The following OTOA variants were observed in gnomAD, a reference collection of about 807,000 sequenced individuals.
OTOA encodes the protein cancer/testis antigen 108.
Under a neutral mutation model 110.8 loss-of-function variants are expected in OTOA, and 70 were observed. The observed-to-expected ratio is 0.63, with a 90% CI of 0.52 to 0.77. The LOEUF (loss-of-function observed/expected upper bound fraction) is 0.77. Ranked by LOEUF, OTOA falls within the 30% of genes least tolerant of loss-of-function variation. The pLI, the probability that OTOA is intolerant of heterozygous loss-of-function variation, is 0.00. For synonymous variants in OTOA, 373 were observed against 431.5 expected (o/e 0.86, Z 1.68); for missense variants, 917 against 1,075.8 (o/e 0.85, Z 2.06).
intron 9 of OTOA, among the ~76,000 whole-genome samples, chr16:21,692,209 C>G (rs1897844421): frequency 1.3e-5 from 2 of 152,012 alleles, no homozygotes; most frequent in East Asian, 3.9e-4. Flanking sequence ...CACCTGTAAT[C>G]CCAGCTACTC....
chr16:21,752,205 G>A (rs1899847725), intron 25 of OTOA, 128 bp downstream of exon 25: 1 of 370,884 alleles, frequency 2.7e-6, no homozygotes, highest in African/African-American at 2.3e-5. Flanking sequence ...ACCTTTCTGG[G>A]CTAAAATCCC....
Position 21,665,013 on chromosome 16 carries a change from T to C in OTOA, c.-5+781T>C, listed in dbSNP as rs80223196. Among the ~76,000 whole-genome samples the C allele has an allele frequency of 8.0e-3, 1,219 of 151,544 alleles. 17 individuals are homozygous for C. The highest frequency in any genetic ancestry group is 0.027 in the African/African-American group (1,112 of 41,098). ...ATAAATAAATAAATAAATAAATAAA[T>C]AAACAAATAAAGTTGATAGTTTTTT... On this transcript the variant is annotated intron_variant, in intron 1 of 28. Coordinates refer to ENST00000646100, the MANE Select transcript of OTOA (RefSeq NM_144672.4).
intron 6 of OTOA, among the ~76,000 whole-genome samples, chr16:21,682,517 A>G (rs560652283): frequency 4.6e-5 from 7 of 152,328 alleles, no homozygotes; most frequent in South Asian, 2.1e-4. Context: ...ACTGTAATGA[A>G]AACAATAGCA....
In OTOA at chr16:21,687,478, GAACCGCAGCCTGTTT is replaced by G; in HGVS notation, c.466_480del (p.Asn156_Phe160del). On this transcript the variant is annotated inframe_deletion, in exon 8 of 29. Coordinates refer to ENST00000646100, the MANE Select transcript of OTOA (RefSeq NM_144672.4). ...AACGAGCCTTGCAGAGCCCTGGCGT[GAACCGCAGCCTGTTT>G]CTCATCACACTGGAGAGGTGTTTCC... The G allele has an allele frequency of 1.2e-6, 2 of 1,614,040 alleles. No homozygotes were observed. The highest frequency in any genetic ancestry group is 1.7e-6 in the Non-Finnish European group (2 of 1,180,016).
At chr16:21,702,759 T>TC (rs527879122) in intron 11 of OTOA, among the ~76,000 whole-genome samples, 146 of 152,286 alleles carry the variant, frequency 9.6e-4, no homozygotes, top group African/African-American at 3.4e-3. Context: ...TACTGCAACC[T>TC]CTGCCTCCTG....
chr16:21,728,115 T>C lies in OTOA; in HGVS notation c.2017-126T>C. ...CCTGGCCTCAAATGATCTGTCTGCC[T>C]CGGCCTCCCAGAGTGCTGGGATTAT... On this transcript the variant is annotated intron_variant, in intron 19 of 28. Coordinates refer to ENST00000646100, the MANE Select transcript of OTOA (RefSeq NM_144672.4). The C allele has an allele frequency of 4.2e-6, 5 of 1,189,648 alleles. No homozygotes were observed. In the South Asian group the frequency reaches 6.3e-5, roughly 15 times the overall value. The allele number at this position is 1,189,648 out of a possible 1,614,324, so 73.7% of individuals were successfully genotyped here. A position where few individuals can be genotyped will look rare whatever the true frequency, so the allele number is the denominator to read the frequency against.
intron 28 of OTOA, among the ~76,000 whole-genome samples, chr16:21,758,328 G>A (rs988234579): frequency 2.3e-4 from 35 of 150,260 alleles, no homozygotes; most frequent in East Asian, 9.8e-4. Flanking sequence ...GCAGCCTGGC[G>A]GGGAGGGAAG....
At position 21,726,598 on chromosome 16, in the gene OTOA, C is replaced by G; in HGVS notation, c.1956C>G (p.Asp652Glu). Reference protein sequence around the residue: ...FLISLGKSWLDSLVLDSHKKT... With the variant: ...FLISLGKSWLESLVLDSHKKT... The stretch of plus-strand genomic sequence containing the variant: ...TCAGCCTGGGGAAGAGCTGGTTGGA[C>G]TCCTTGGTTTTAGATTCCCACAAAA... Residue 652 changes from aspartate (D) to glutamate (E), a missense_variant, in exon 19 of 29, where the codon GAC becomes GAG. By Grantham distance (45) the Asp-to-Glu change is conservative. This residue lies in a region of OTOA where 840 missense variants were observed against 910.2 expected (regional missense o/e 0.92). Coordinates refer to ENST00000646100, the MANE Select transcript of OTOA (RefSeq NM_144672.4). 1 of 1,614,030 alleles carries G rather than the reference C, an allele frequency of 6.2e-7. No individual in the cohort carries two copies. Among genetic ancestry groups the G allele is most frequent in the Non-Finnish European group, 8.5e-7 (1 of 1,179,992 alleles).
chr16:21,713,053 C>T (rs926236806), intron 13 of OTOA, among the ~76,000 whole-genome samples: 4 of 151,828 alleles, frequency 2.6e-5, no homozygotes, highest in African/African-American at 7.3e-5. Flanking sequence ...AGCCTTGACC[C>T]CCCAGGCTCA....
chr16:21,666,217 T>G (rs1233781989), intron 1 of OTOA, among the ~76,000 whole-genome samples: 1 of 151,806 alleles, frequency 6.6e-6, no homozygotes, highest in Non-Finnish European at 1.5e-5. Flanking sequence ...CATTTACCTA[T>G]TTTGGATTAA....
chr16:21,716,515 G>A (rs915475051), intron 14 of OTOA, among the ~76,000 whole-genome samples: 2 of 152,102 alleles, frequency 1.3e-5, no homozygotes, highest in East Asian at 1.9e-4. Flanking sequence ...AGACTGCAGC[G>A]AGCCAATATC....
chr16:21,688,139 C>T lies in OTOA; in HGVS notation c.635+491C>T, dbSNP rs757831374. 7.9e-5 allele frequency among the ~76,000 whole-genome samples: 12 copies of T among 152,134 alleles called. No homozygotes were observed. The South Asian group carries it at 2.5e-3, about 32-fold the overall frequency. On this transcript the variant is annotated intron_variant, in intron 8 of 28. Transcript: ENST00000646100. ...GTGTGGTAGCTCACACCTGTGATCC[C>T]AGCACTTTGGGAAGCAGAGGTGGGT...
At chr16:21,667,837 A>T (rs1405228754) in intron 1 of OTOA, among the ~76,000 whole-genome samples, 2 of 152,126 alleles carry the variant, frequency 1.3e-5, no homozygotes, top group African/African-American at 4.8e-5. Flanking sequence ...TTCACACAGG[A>T]AATTTTCATA....
At chr16:21,674,896 CTTTTT>C (rs60269668) in intron 1 of OTOA, among the ~76,000 whole-genome samples, 1 of 29,778 alleles carries the variant, frequency 3.4e-5, no homozygotes, top group East Asian at 1.4e-3. Context: ...TTTTAAAAAT[CTTTTT>C]TTTTTTTTTT....
rs559647030 is a variant in OTOA, at chr16:21,684,647, G to A, written c.268-583G>A. The A allele has an allele frequency of 5.0e-6, 5 of 997,238 alleles. No homozygotes were observed. In the East Asian group the frequency reaches 1.1e-4, roughly 22 times the overall value. 61.8% of individuals were successfully genotyped at this position (997,238 alleles called of 1,614,324 possible). On this transcript the variant is annotated intron_variant, in intron 6 of 28. Coordinates refer to ENST00000646100, the MANE Select transcript of OTOA (RefSeq NM_144672.4). The stretch of plus-strand genomic sequence containing the variant: ...GCTTGCCAATTATTGCCTAAAAGGG[G>A]ATGTGCGCCCGGTGTTGCCAAACCT...
At chr16:21,710,828 T>C (rs1232109860) in intron 13 of OTOA, among the ~76,000 whole-genome samples, 1 of 151,876 alleles carries the variant, frequency 6.6e-6, no homozygotes, top group Non-Finnish European at 1.5e-5. Context: ...CATGGTGAAA[T>C]CCCGTCTCTA....
rs777719065 is a variant in OTOA at position 21,700,967 on chromosome 16, C to A, written c.920C>A (p.Ala307Glu). 1.9e-6 allele frequency: 3 copies of A among 1,614,094 alleles called. No homozygotes were observed. Among genetic ancestry groups the A allele is most frequent in the Admixed American group, 3.3e-5 (2 of 59,998 alleles). ...VYDITPELAQ[A>E]FLERISSSNF... ...GACATCACACCTGAGCTGGCCCAGGCGTTTCTGGAGAGGATCAGCTCCTCC... is the reference window on the plus strand; with the variant it reads ...GACATCACACCTGAGCTGGCCCAGGAGTTTCTGGAGAGGATCAGCTCCTCC... Residue 307 changes from alanine to glutamate, a missense_variant, in exon 11 of 29, where the codon GCG becomes GAG. Ala to Glu is a moderately radical substitution (Grantham distance 107). Coordinates refer to ENST00000646100, the MANE Select transcript of OTOA (RefSeq NM_144672.4).
At chr16:21,682,375 T>C (rs1043127649) in intron 6 of OTOA, among the ~76,000 whole-genome samples, 7 of 152,288 alleles carry the variant, frequency 4.6e-5, no homozygotes, top group African/African-American at 1.4e-4. Context: ...TCACACACCA[T>C]AGTCACATCT....
In OTOA at chr16:21,708,807, G is replaced by GT. The variant is rs1194256289; in HGVS notation, c.1105-1075dup. Among the ~76,000 whole-genome samples the GT allele has an allele frequency of 3.3e-5, 5 of 152,212 alleles. No homozygotes were observed. In the East Asian group the frequency reaches 7.7e-4, roughly 23 times the overall value. ...GGGTGTTAAAATATGAACCATTCTTGTTTTTTGTTACAGAGCTCATTGTAT... is the reference window on the plus strand; with the variant it reads ...GGGTGTTAAAATATGAACCATTCTTGTTTTTTTGTTACAGAGCTCATTGTAT... On this transcript the variant is annotated intron_variant, in intron 12 of 28. Transcript: ENST00000646100.
Sources: gnomAD v4.1 joint callset for allele counts (sites outside exome capture counted in the v4.1 genomes callset) on GRCh38, gnomAD v4.1.1 for gene constraint, gnomAD v4.1.1 regional missense constraint, MANE v1.5 for transcripts, NCBI Gene and HGNC (gene_info 2026-07-23, HGNC 2026-07-21) for gene names.